The following CDC42EP3 variants were observed in gnomAD, a reference collection of about 807,000 sequenced individuals.
The protein encoded by CDC42EP3 is CDC42 effector protein (Rho GTPase binding) 3.
A neutral mutation model predicts 15.5 loss-of-function variants in CDC42EP3; 4 were observed. That is an observed-to-expected ratio of 0.26 (90% CI 0.13 to 0.59). CDC42EP3 has a LOEUF of 0.59. Among genes scored for constraint, CDC42EP3 ranks in the 20% least tolerant of loss-of-function variants. The pLI is 0.89. For synonymous variants in CDC42EP3, 145 were observed against 130.3 expected (o/e 1.11, Z -0.77); for missense variants, 309 against 311.2 (o/e 0.99, Z 0.05).
chr2:37,661,856 T>C (rs1260609358), intron 1 of CDC42EP3, among the ~76,000 whole-genome samples: 1 of 152,164 alleles, frequency 6.6e-6, no homozygotes, highest in African/African-American at 2.4e-5. Context: ...TTATTATCTG[T>C]TTATATATCA....
At chr2:37,664,838 C>T (rs1438523455) in intron 1 of CDC42EP3, among the ~76,000 whole-genome samples, 1 of 151,954 alleles carries the variant, frequency 6.6e-6, no homozygotes, top group Non-Finnish European at 1.5e-5. Context: ...CGCATGTGCT[C>T]ACTTGTAAGT....
chr2:37,671,650 G>T (rs1201160424), upstream of CDC42EP3: 1 of 152,318 alleles, frequency 6.6e-6, no homozygotes, highest in South Asian at 1.8e-4. Context: ...ACTGAGCGCG[G>T]GGCGGCCGGA....
At chr2:37,663,055 C>T (rs992938396) in intron 1 of CDC42EP3, among the ~76,000 whole-genome samples, 2 of 152,216 alleles carry the variant, frequency 1.3e-5, no homozygotes, top group African/African-American at 2.4e-5. Flanking sequence ...ATCCCAGCTA[C>T]TCATGAGGCT....
chr2:37,668,596 T>G (rs1212517253), intron 1 of CDC42EP3, among the ~76,000 whole-genome samples: 1 of 152,202 alleles, frequency 6.6e-6, no homozygotes, highest in Non-Finnish European at 1.5e-5. Context: ...GCTGCTGACT[T>G]TCACATAGGA....
intron 1 of CDC42EP3, among the ~76,000 whole-genome samples, chr2:37,649,184 C>T (rs1318446325): frequency 6.6e-6 from 1 of 151,526 alleles, no homozygotes; most frequent in Non-Finnish European, 1.5e-5. Context: ...GGCATGGGGG[C>T]ACCCGCCGGT....
At chr2:37,671,900 C>T (rs1666444675), upstream of CDC42EP3, 2 of 152,132 alleles carry the variant, frequency 1.3e-5, no homozygotes, top group South Asian at 2.1e-4. Flanking sequence ...CAGTAGGCGA[C>T]TTCTCTCGGA....
intron 1 of CDC42EP3, among the ~76,000 whole-genome samples, chr2:37,664,508 T>C (rs749783171): frequency 6.6e-6 from 1 of 152,196 alleles, no homozygotes; most frequent in Non-Finnish European, 1.5e-5. Flanking sequence ...CTCCCCTTTA[T>C]ATATACATCT....
intron 1 of CDC42EP3, among the ~76,000 whole-genome samples, chr2:37,662,623 CT>C (rs1330222778): frequency 6.6e-6 from 1 of 152,216 alleles, no homozygotes. Flanking sequence ...CTGAACCTCA[CT>C]CCCCCAGGCT....
At position 37,642,404 on chromosome 2, in the gene CDC42EP3, T is replaced by C. The variant is rs1161940815; in HGVS notation, c.*3419A>G. 6.6e-6 allele frequency: 1 copy of C among 152,252 alleles called. No homozygotes were observed. The highest frequency in any genetic ancestry group is 2.4e-5 in the African/African-American group (1 of 41,462). The allele number at this position is 152,252 out of a possible 1,614,324, so 9.4% of individuals were successfully genotyped here. ...CATCTGGAAACTTCTCTTATTTTGC[T>C]GGATATGGCTGTCTAGTGGGTGGCT... On this transcript the variant is annotated 3_prime_UTR_variant, in exon 2 of 2. Coordinates refer to ENST00000295324, the MANE Select transcript of CDC42EP3 (RefSeq NM_006449.5).
At position 37,646,465 on chromosome 2, in the gene CDC42EP3, G is replaced by A. The variant is rs1665478576; in HGVS notation, c.123C>T (p.Thr41=). Residue 41 remains threonine, a synonymous_variant, in exon 2 of 2, where the codon ACC becomes ACT. Transcript: ENST00000295324. ...ISPPLGDFRH[T]IHIGKEGQHD... ...GCTGGCCCTCTTTGCCAATGTGGATGGTGTGGCGAAAGTCTCCAAGCGGGG... is the reference window on the plus strand; with the variant it reads ...GCTGGCCCTCTTTGCCAATGTGGATAGTGTGGCGAAAGTCTCCAAGCGGGG... The A allele has an allele frequency of 6.2e-7, 1 of 1,614,112 alleles. No homozygotes were observed. Among genetic ancestry groups the A allele is most frequent in the East Asian group, 2.2e-5 (1 of 44,880 alleles).
chr2:37,669,674 T>C (rs1666346111), intron 1 of CDC42EP3, among the ~76,000 whole-genome samples: 1 of 152,184 alleles, frequency 6.6e-6, no homozygotes, highest in Non-Finnish European at 1.5e-5. Flanking sequence ...TAGCAGATGA[T>C]GCCATTGGAA....
intron 1 of CDC42EP3, among the ~76,000 whole-genome samples, chr2:37,654,018 A>C (rs1396898034): frequency 1.3e-5 from 2 of 152,104 alleles, no homozygotes; most frequent in Non-Finnish European, 2.9e-5. Context: ...GCGGCCAGTC[A>C]CGGCACCACT....
At chr2:37,648,506 A>T (rs955088397) in intron 1 of CDC42EP3, among the ~76,000 whole-genome samples, 1 of 152,254 alleles carries the variant, frequency 6.6e-6, no homozygotes, top group South Asian at 2.1e-4. Context: ...CAGCTAGCTC[A>T]GCGTGTCAGC....
chr2:37,657,001 C>CCCCCCCCCCCCCCCCCCCCCCCG (rs1208218676), intron 1 of CDC42EP3, among the ~76,000 whole-genome samples: 2 of 103,276 alleles, frequency 1.9e-5, no homozygotes, highest in Non-Finnish European at 1.8e-5. Flanking sequence ...CCCCCCGCCC[C>CCCCCCCCCCCCCCCCCCCCCCCG]CCGCCATCCT....
At chr2:37,651,124 T>C (rs917165253) in intron 1 of CDC42EP3, among the ~76,000 whole-genome samples, 3 of 151,826 alleles carry the variant, frequency 2.0e-5, no homozygotes, top group African/African-American at 7.3e-5. Context: ...AAGATGTACA[T>C]CATCAAAGGA....
At chr2:37,653,263 C>T (rs996668586) in intron 1 of CDC42EP3, among the ~76,000 whole-genome samples, 2 of 152,130 alleles carry the variant, frequency 1.3e-5, no homozygotes, top group Non-Finnish European at 2.9e-5. Context: ...AACGGACATG[C>T]TCCCTTACAG....
chr2:37,671,814 C>CGT (rs201046902), upstream of CDC42EP3: 607 of 20,730 alleles, frequency 0.029, 8 homozygotes, highest in Admixed American at 0.044. Flanking sequence ...TGGCCGGGCG[C>CGT]GCGCGCGGGG....
intron 1 of CDC42EP3, among the ~76,000 whole-genome samples, chr2:37,669,871 T>C (rs1425816654): frequency 6.6e-6 from 1 of 152,258 alleles, no homozygotes; most frequent in Non-Finnish European, 1.5e-5. Flanking sequence ...TATCATTTAT[T>C]TCACATATGA....
chr2:37,664,706 C>G (rs1404333743), intron 1 of CDC42EP3, among the ~76,000 whole-genome samples: 1 of 152,216 alleles, frequency 6.6e-6, no homozygotes, highest in Non-Finnish European at 1.5e-5. Context: ...AAATGAGATT[C>G]AGTCCCTATC....
Sources: gnomAD v4.1 joint callset for allele counts (sites outside exome capture counted in the v4.1 genomes callset) on GRCh38, gnomAD v4.1.1 for gene constraint, MANE v1.5 for transcripts, NCBI Gene and HGNC (gene_info 2026-07-23, HGNC 2026-07-21) for gene names.